The following ANXA10 variants were observed in gnomAD, a reference collection of about 807,000 sequenced individuals.
ANXA10 encodes annexin 14.
In ANXA10, 49 loss-of-function variants were observed where a neutral mutation model predicts 53.5. The ratio of observed to expected loss-of-function variants is 0.92; its 90% CI spans 0.73 to 1.16. ANXA10 has a LOEUF of 1.16. ANXA10 is among the 50% of genes most tolerant of loss of function. The pLI is 0.00. For synonymous variants in ANXA10, 131 were observed against 128.9 expected, an observed-to-expected ratio of 1.02 and a Z score of -0.11; for missense variants, 393 against 394.4, an observed-to-expected ratio of 1.00 and a Z score of 0.03.
intron 3 of ANXA10, among the ~76,000 whole-genome samples, chr4:168,143,320 T>C (rs937762634): frequency 2.0e-5 from 3 of 152,242 alleles, no homozygotes; most frequent in Admixed American, 6.5e-5. Context: ...TAAATTTTCA[T>C]TAACAAGAAT....
intron 1 of ANXA10, among the ~76,000 whole-genome samples, chr4:168,127,179 G>A (rs555606206): frequency 6.6e-6 from 1 of 152,146 alleles, no homozygotes; most frequent in South Asian, 2.1e-4. Context: ...ATTATATGGT[G>A]CCTAGTCCTG....
intron 3 of ANXA10, among the ~76,000 whole-genome samples, chr4:168,155,345 ATATAT>A (rs1260851291): frequency 8.1e-6 from 1 of 123,274 alleles, no homozygotes; most frequent in Non-Finnish European, 1.6e-5. Context: ...ATTATATATA[ATATAT>A]TATATATTAT....
chr4:168,093,347 T>C lies in ANXA10; in HGVS notation c.18+629T>C, dbSNP rs536566210. On this transcript the variant is annotated intron_variant, in intron 1 of 11. Coordinates refer to ENST00000359299, the MANE Select transcript of ANXA10 (RefSeq NM_007193.5). ...ATTTAGTCTTTTTTTTGGCCTTGTC[T>C]GAATCATTTTAGTCCAACTGCTCTA... Among the ~76,000 whole-genome samples, 3 of 152,320 alleles carry C rather than the reference T, an allele frequency of 2.0e-5. No homozygotes were observed. In the East Asian group the frequency reaches 5.8e-4, roughly 29 times the overall value.
intron 1 of ANXA10, among the ~76,000 whole-genome samples, chr4:168,112,371 C>A (rs1730822623): frequency 6.6e-6 from 1 of 152,200 alleles, no homozygotes; most frequent in East Asian, 1.9e-4. Context: ...AATGTGACTT[C>A]ATTATTTCAT....
chr4:168,106,411 G>A lies in ANXA10; in HGVS notation c.18+13693G>A, dbSNP rs375499096. 7.2e-5 allele frequency among the ~76,000 whole-genome samples: 11 copies of A among 152,178 alleles called. No individual in the cohort carries two copies. The East Asian group carries it at 1.9e-3, about 27-fold the overall frequency. On this transcript the variant is annotated intron_variant, in intron 1 of 11. Coordinates refer to ENST00000359299, the MANE Select transcript of ANXA10 (RefSeq NM_007193.5). The stretch of plus-strand genomic sequence containing the variant: ...TAGGCATTTCTAATTTTATATCAGT[G>A]TGATTCTTGAAAACAATATAGTGTT...
chr4:168,116,908 A>G (rs1238124761), intron 1 of ANXA10, among the ~76,000 whole-genome samples: 3 of 152,226 alleles, frequency 2.0e-5, no homozygotes, highest in Admixed American at 2.0e-4. Flanking sequence ...GTGATGAAAC[A>G]CTATGAAATT....
intron 3 of ANXA10, among the ~76,000 whole-genome samples, chr4:168,143,775 G>A (rs1351205421): frequency 1.3e-5 from 2 of 152,306 alleles, no homozygotes; most frequent in African/African-American, 4.8e-5. Flanking sequence ...CCACATGGTT[G>A]GTTAAGCAAT....
chr4:168,139,687 T>A lies in ANXA10; in HGVS notation c.195+107T>A, dbSNP rs576982789. The A allele has an allele frequency of 8.4e-5, 58 of 693,740 alleles. No homozygotes were observed. The South Asian group carries it at 1.1e-3, about 13-fold the overall frequency. 43.0% of individuals were successfully genotyped at this position (693,740 alleles called of 1,614,324 possible). A position where few individuals can be genotyped will look rare whatever the true frequency, so the allele number is the denominator to read the frequency against. On this transcript the variant is annotated intron_variant, in intron 3 of 11. Coordinates refer to ENST00000359299, the MANE Select transcript of ANXA10 (RefSeq NM_007193.5). ...TTCAATCTCACAGATTGCAAATATCTCAGACATCATTATATGTCAGATACA... is the reference window on the plus strand; with the variant it reads ...TTCAATCTCACAGATTGCAAATATCACAGACATCATTATATGTCAGATACA...
intron 6 of ANXA10, among the ~76,000 whole-genome samples, chr4:168,174,165 G>A (rs1276732980): frequency 6.6e-6 from 1 of 152,110 alleles, no homozygotes; most frequent in African/African-American, 2.4e-5. Flanking sequence ...CAAACAGTGA[G>A]TGTGAATAGA....
chr4:168,113,799 A>G (rs572387167), intron 1 of ANXA10, among the ~76,000 whole-genome samples: 1 of 152,322 alleles, frequency 6.6e-6, no homozygotes, highest in East Asian at 1.9e-4. Flanking sequence ...ATGATTTTTG[A>G]ACACTTATTC....
chr4:168,100,387 C>G (rs944824519), intron 1 of ANXA10, among the ~76,000 whole-genome samples: 1 of 152,126 alleles, frequency 6.6e-6, no homozygotes, highest in Non-Finnish European at 1.5e-5. Flanking sequence ...TGTCACCTCA[C>G]TATGACAATG....
intron 3 of ANXA10, among the ~76,000 whole-genome samples, chr4:168,147,647 G>GT (rs1375224725): frequency 6.6e-6 from 1 of 152,200 alleles, no homozygotes; most frequent in East Asian, 1.9e-4. Flanking sequence ...CAATCATAAG[G>GT]TTTTTTGACT....
intron 3 of ANXA10, among the ~76,000 whole-genome samples, chr4:168,155,131 T>C (rs1731582632): frequency 6.6e-6 from 1 of 151,422 alleles, no homozygotes; most frequent in African/African-American, 2.4e-5. Context: ...TATTTATTGT[T>C]GGTATCTCCT....
chr4:168,166,866 A>G (rs1019940327), intron 6 of ANXA10, among the ~76,000 whole-genome samples: 1 of 152,172 alleles, frequency 6.6e-6, no homozygotes, highest in African/African-American at 2.4e-5. Flanking sequence ...AATACATGAA[A>G]GCCTTTTTAG....
rs562719796 is a variant in ANXA10, at chr4:168,159,769, T to C, written c.196-2759T>C. 2.6e-5 allele frequency among the ~76,000 whole-genome samples: 4 copies of C among 152,288 alleles called. No homozygotes were observed. In the South Asian group the frequency reaches 8.3e-4, roughly 32 times the overall value. Reference sequence around the variant, plus strand: ...ATATTGGTATTTTGTATTTTCTCTCTTGTTATAATGCTTTTATCTACTAAA... The same window carrying C: ...ATATTGGTATTTTGTATTTTCTCTCCTGTTATAATGCTTTTATCTACTAAA... On this transcript the variant is annotated intron_variant, in intron 3 of 11. Coordinates refer to ENST00000359299, the MANE Select transcript of ANXA10 (RefSeq NM_007193.5).
At chr4:168,102,976 A>G (rs1248172256) in intron 1 of ANXA10, among the ~76,000 whole-genome samples, 1 of 152,024 alleles carries the variant, frequency 6.6e-6, no homozygotes, top group African/African-American at 2.4e-5. Context: ...CATTTACTAT[A>G]CCGTCATTGT....
chr4:168,155,654 T>C (rs1316082021), intron 3 of ANXA10, among the ~76,000 whole-genome samples: 66 of 69,534 alleles, frequency 9.5e-4, no homozygotes, highest in South Asian at 2.1e-3. Flanking sequence ...TTATACATTA[T>C]ATAGTATATT....
chr4:168,155,553 T>C (rs1731605702), intron 3 of ANXA10, among the ~76,000 whole-genome samples: 1 of 65,136 alleles, frequency 1.5e-5, no homozygotes, highest in South Asian at 4.6e-4. Context: ...TTATAAAATA[T>C]ATAATTATAT....
At chr4:168,094,831 A>G (rs1442482033) in intron 1 of ANXA10, among the ~76,000 whole-genome samples, 5 of 152,078 alleles carry the variant, frequency 3.3e-5, no homozygotes, top group Non-Finnish European at 7.4e-5. Context: ...ATTATTTTCT[A>G]TATTTCTGGA....
Sources: allele counts gnomAD v4.1 joint callset (sites outside exome capture counted in the v4.1 genomes callset), GRCh38; gene constraint gnomAD v4.1.1; transcripts MANE v1.5; gene names NCBI Gene and HGNC (gene_info 2026-07-23, HGNC 2026-07-21).